The following EXOC3L4 variants were observed in gnomAD, a reference collection of about 807,000 sequenced individuals.
The protein encoded by EXOC3L4 is exocyst complex component 3 like 4, also known as exocyst complex component 3-like protein 4.
EXOC3L4 carries 62 observed loss-of-function variants against 69.7 expected under a neutral mutation model. The observed-to-expected ratio is 0.89, with a 90% CI of 0.72 to 1.10. The LOEUF (loss-of-function observed/expected upper bound fraction) is 1.10, where lower values mean the gene tolerates loss of function less well. Among genes scored for constraint, EXOC3L4 ranks in the 50% least tolerant of loss-of-function variants. The pLI, the probability that EXOC3L4 is intolerant of heterozygous loss-of-function variation, is 0.00. For synonymous variants in EXOC3L4, 502 were observed against 464.2 expected, an observed-to-expected ratio of 1.08 and a Z score of -1.05; for missense variants, 1,087 against 1,034.8, an observed-to-expected ratio of 1.05 and a Z score of -0.69.
At position 103,104,981 on chromosome 14, in the gene EXOC3L4, T is replaced by C. The variant is rs1890453068; in HGVS notation, c.1386-11T>C. 1 of 1,611,246 alleles carries C rather than the reference T, an allele frequency of 6.2e-7. No individual in the cohort carries two copies. The highest frequency in any genetic ancestry group is 8.5e-7 in the Non-Finnish European group (1 of 1,178,028). On this transcript the variant is annotated splice_polypyrimidine_tract_variant and intron_variant, in intron 6 of 11. Coordinates refer to ENST00000688303, the MANE Select transcript of EXOC3L4 (RefSeq NM_001077594.2). ...GGAGGGTCCCCAAAGGCTCTGTGTA[T>C]CCCGCCCCAGGTTTGAAAAGGCTTT...
At chr14:103,101,225 TA>T (rs1890172442) in intron 2 of EXOC3L4, among the ~76,000 whole-genome samples, 2 of 152,160 alleles carry the variant, frequency 1.3e-5, no homozygotes. Flanking sequence ...AATTTGTTTT[TA>T]TTTTTTTGTA....
rs760307354 is a variant in EXOC3L4 at position 103,110,493 on chromosome 14, C to G, written c.*270C>G. On this transcript the variant is annotated 3_prime_UTR_variant, in exon 12 of 12. Coordinates refer to ENST00000688303, the MANE Select transcript of EXOC3L4 (RefSeq NM_001077594.2). Reference sequence around the variant, plus strand: ...GGGGGGGGCCTCCCGCCCGACTGTCCAGCTTCACCCTCCAGTCTGAAAGTG... The same window carrying G: ...GGGGGGGGCCTCCCGCCCGACTGTCGAGCTTCACCCTCCAGTCTGAAAGTG... 1 of 592,042 alleles carries G rather than the reference C, an allele frequency of 1.7e-6. No homozygotes were observed. Among genetic ancestry groups the G allele is most frequent in the South Asian group, 1.6e-5 (1 of 60,906 alleles). 36.7% of individuals were successfully genotyped at this position (592,042 alleles called of 1,614,324 possible). A position where few individuals can be genotyped will look rare whatever the true frequency, so the allele number is the denominator to read the frequency against.
intron 3 of EXOC3L4, 87 bp downstream of exon 3, chr14:103,102,859 CCTTT>C (rs1890289529): frequency 1.6e-6 from 2 of 1,219,132 alleles, no homozygotes; most frequent in Non-Finnish European, 2.1e-6. Context: ...GAGCACCGGA[CCTTT>C]CTTCTCTGTT....
rs763940116 is a variant in EXOC3L4, at chr14:103,103,797, C to CGCGTGT, written c.1050-143_1050-142insCGTGTG. The CGCGTGT allele has an allele frequency of 1.9e-3, 819 of 433,284 alleles. 1 individual carries two copies. The highest frequency in any genetic ancestry group is 3.2e-3 in the African/African-American group (139 of 43,090). 26.8% of individuals were successfully genotyped at this position (433,284 alleles called of 1,614,324 possible). A position where few individuals can be genotyped will look rare whatever the true frequency, so the allele number is the denominator to read the frequency against. On this transcript the variant is annotated intron_variant, in intron 3 of 11. Coordinates refer to ENST00000688303, the MANE Select transcript of EXOC3L4 (RefSeq NM_001077594.2). ...GCATGGCAGCCTAGAGGCGCGCGCG[C>CGCGTGT]GTGTGTGTGTGTGTGTGTGTGTGTG...
chr14:103,110,277 G>A lies in EXOC3L4; in HGVS notation c.*54G>A, dbSNP rs1890862483. The A allele has an allele frequency of 1.3e-6, 2 of 1,496,254 alleles. No homozygotes were observed. Among genetic ancestry groups the A allele is most frequent in the Admixed American group, 2.2e-5 (1 of 46,362 alleles). 92.7% of individuals were successfully genotyped at this position (1,496,254 alleles called of 1,614,324 possible). ...GCTGGCAGGGAGCTGTGGTCAGTGG[G>A]GGTCAGCCAGGAGCCCAGGGAGTCA... On this transcript the variant is annotated 3_prime_UTR_variant, in exon 12 of 12. Coordinates refer to ENST00000688303, the MANE Select transcript of EXOC3L4 (RefSeq NM_001077594.2).
intron 1 of EXOC3L4, among the ~76,000 whole-genome samples, chr14:103,096,402 T>C (rs1889887502): frequency 2.3e-5 from 1 of 42,670 alleles, no homozygotes; most frequent in Admixed American, 2.7e-4. Flanking sequence ...GGCAAGATTC[T>C]TTTTTTTTTT....
rs1478271842 is a variant in EXOC3L4 at position 103,108,385 on chromosome 14, C to G, written c.1855-11C>G. 1 of 1,612,204 alleles carries G rather than the reference C, an allele frequency of 6.2e-7. No homozygotes were observed. Among genetic ancestry groups the G allele is most frequent in the Non-Finnish European group, 8.5e-7 (1 of 1,178,858 alleles). ...AGGGCTGTTGGGGCAGGCGGTGGCT[C>G]TGTCTCGCAGGGTTCCGAGGCCACA... On this transcript the variant is annotated splice_polypyrimidine_tract_variant and intron_variant, in intron 10 of 11. Coordinates refer to ENST00000688303, the MANE Select transcript of EXOC3L4 (RefSeq NM_001077594.2).
Position 103,102,758 on chromosome 14 carries a change from C to A in EXOC3L4, c.1035C>A (p.Ala345=). The change falls in exon 3 of 12, where the codon GCC becomes GCA. Residue 345 remains alanine (A), a synonymous_variant. Transcript: ENST00000688303. ...TCTATATCCTGCTGGACTGGGCCGC[C>A]AACGTCTACGGCAGGTGAGTCTCGG... The part of the protein sequence containing the change: ...EQLYILLDWA[A]NVYGSPDFLG... The A allele has an allele frequency of 7.3e-7, 1 of 1,364,956 alleles. No homozygotes were observed. Among genetic ancestry groups the A allele is most frequent in the Non-Finnish European group, 9.4e-7 (1 of 1,060,612 alleles). The allele number at this position is 1,364,956 out of a possible 1,614,324, so 84.6% of individuals were successfully genotyped here.
chr14:103,104,136 G>T, intron 4 of EXOC3L4, 84 bp downstream of exon 4: 2 of 1,445,612 alleles, frequency 1.4e-6, no homozygotes, highest in South Asian at 2.9e-5. Flanking sequence ...GCTATCGGCG[G>T]CCAGAGCTGG....
intron 1 of EXOC3L4, among the ~76,000 whole-genome samples, chr14:103,095,907 A>C (rs181765576): frequency 7.9e-4 from 120 of 152,318 alleles, no homozygotes; most frequent in African/African-American, 2.8e-3. Context: ...CAGTGTTTAC[A>C]TCTCTTATTT....
chr14:103,097,876 G>T lies in EXOC3L4; in HGVS notation c.-16-2328G>T, dbSNP rs900686713. 6.6e-6 allele frequency among the ~76,000 whole-genome samples: 1 copy of T among 152,246 alleles called. No individual in the cohort carries two copies. Among genetic ancestry groups the T allele is most frequent in the South Asian group, 2.1e-4 (1 of 4,826 alleles). ...TGCAGGTTGTCCGTGAACCCCAGGG[G>T]AAGCTGGTGAGGTGTCATCAGCGGG... is the stretch of plus-strand genomic sequence containing the variant. On this transcript the variant is annotated intron_variant, in intron 1 of 11. Transcript: ENST00000688303. The surrounding 1 kb of genome is among the most constrained non-coding windows in gnomAD (Gnocchi z 4.9).
In EXOC3L4 at chr14:103,097,479, G is replaced by C. The variant is rs1166141503; in HGVS notation, c.-17+2639G>C. On this transcript the variant is annotated intron_variant, in intron 1 of 11. Transcript: ENST00000688303. The surrounding 1 kb of genome is among the most constrained non-coding windows in gnomAD (Gnocchi z 4.9). The stretch of plus-strand genomic sequence containing the variant: ...AGGCGAGAGCCTTGGGAGGTGGAGG[G>C]GGGAGTTGAGAGGGGCCTTCAGGTC... Among the ~76,000 whole-genome samples, 2 of 152,128 alleles carry C rather than the reference G, an allele frequency of 1.3e-5. No homozygotes were observed. Among genetic ancestry groups the C allele is most frequent in the African/African-American group, 4.8e-5 (2 of 41,410 alleles).
chr14:103,109,219 TCC>T (rs1890769687), intron 11 of EXOC3L4, among the ~76,000 whole-genome samples: 1 of 35,946 alleles, frequency 2.8e-5, no homozygotes, highest in Non-Finnish European at 4.9e-5. Flanking sequence ...TCTCCCTCCC[TCC>T]CTCCCTCTCC....
rs1348868072 is a variant in EXOC3L4 at position 103,104,258 on chromosome 14, T to TC, written c.1162-3dup. 2 of 1,574,732 alleles carry TC rather than the reference T, an allele frequency of 1.3e-6. No homozygotes were observed. The highest frequency in any genetic ancestry group is 2.3e-5 in the East Asian group (1 of 42,786). On this transcript the variant is annotated splice_polypyrimidine_tract_variant and intron_variant, in intron 4 of 11. Coordinates refer to ENST00000688303, the MANE Select transcript of EXOC3L4 (RefSeq NM_001077594.2). ...GGGTCTCACCACGGCCCATCCCTTC[T>TC]CCCCCCAGGCCAAGATCGCAAGCTG...
intron 1 of EXOC3L4, among the ~76,000 whole-genome samples, chr14:103,096,252 G>A (rs1288913501): frequency 3.3e-5 from 5 of 152,190 alleles, no homozygotes; most frequent in Admixed American, 6.5e-5. Flanking sequence ...TACTTGGGAC[G>A]CTTAGGTGGG....
At chr14:103,109,906 T>C in intron 11 of EXOC3L4, 125 bp from the exon 12 acceptor site, 2 of 1,080,826 alleles carry the variant, frequency 1.9e-6, no homozygotes, top group East Asian at 2.7e-5. Context: ...CAATCTGACC[T>C]CCCTGACCAT....
intron 1 of EXOC3L4, 197 bp from the exon 2 acceptor site, chr14:103,100,007 A>G (rs1890082098): frequency 1.8e-6 from 1 of 567,902 alleles, no homozygotes; most frequent in South Asian, 2.9e-5. Context: ...AGCTGTCTAT[A>G]TCTCCGTGCC....
Position 103,110,270 on chromosome 14 carries a change from T to C in EXOC3L4, c.*47T>C, listed in dbSNP as rs768092491. The stretch of plus-strand genomic sequence containing the variant: ...GCCGGCCGCTGGCAGGGAGCTGTGG[T>C]CAGTGGGGGTCAGCCAGGAGCCCAG... On this transcript the variant is annotated 3_prime_UTR_variant, in exon 12 of 12. Coordinates refer to ENST00000688303, the MANE Select transcript of EXOC3L4 (RefSeq NM_001077594.2). 4.7e-5 allele frequency: 70 copies of C among 1,496,576 alleles called. No individual in the cohort carries two copies. In the African/African-American group the frequency reaches 8.2e-4, roughly 18 times the overall value. The allele number at this position is 1,496,576 out of a possible 1,614,324, so 92.7% of individuals were successfully genotyped here. A position where few individuals can be genotyped will look rare whatever the true frequency, so the allele number is the denominator to read the frequency against.
chr14:103,094,913 G>C (rs1055191922), intron 1 of EXOC3L4, 73 bp downstream of exon 1: 1 of 152,622 alleles, frequency 6.6e-6, no homozygotes, highest in Non-Finnish European at 1.5e-5. Flanking sequence ...CCGGCTCTGC[G>C]TGTGGCCTTC....
Sources: gnomAD v4.1 joint callset for allele counts (sites outside exome capture counted in the v4.1 genomes callset) on GRCh38, gnomAD v4.1.1 for gene constraint, Gnocchi (gnomAD v3.1) non-coding constraint, MANE v1.5 for transcripts, NCBI Gene and HGNC (gene_info 2026-07-23, HGNC 2026-07-21) for gene names.